The following CFAP299 variants were observed in gnomAD, a reference collection of about 807,000 sequenced individuals.
The protein encoded by CFAP299 is cilia- and flagella-associated protein 299.
Under a neutral mutation model 27.0 loss-of-function variants are expected in CFAP299, and 21 were observed. The ratio of observed to expected loss-of-function variants is 0.78; its 90% CI spans 0.55 to 1.12. CFAP299 has a LOEUF of 1.12. Ranked by LOEUF, CFAP299 falls within the 50% of genes most tolerant of loss-of-function variation. The pLI is 0.00. For synonymous variants in CFAP299, 104 were observed against 98.1 expected, an observed-to-expected ratio of 1.06 and a Z score of -0.36; for missense variants, 310 against 276.6, an observed-to-expected ratio of 1.12 and a Z score of -0.86.
chr4:80,725,366 G>A (rs542300090), intron 3 of CFAP299, among the ~76,000 whole-genome samples: 7 of 151,898 alleles, frequency 4.6e-5, no homozygotes, highest in African/African-American at 1.4e-4. Context: ...CATTGATTAC[G>A]TTTCCTGTGA....
chr4:80,697,963 A>G, intron 3 of CFAP299, among the ~76,000 whole-genome samples: 1 of 152,252 alleles, frequency 6.6e-6, no homozygotes, highest in South Asian at 2.1e-4. Flanking sequence ...TTAATCAATC[A>G]AACCAAGGAT....
intron 3 of CFAP299, among the ~76,000 whole-genome samples, chr4:80,859,231 A>G (rs936950804): frequency 6.6e-6 from 1 of 151,714 alleles, no homozygotes; most frequent in African/African-American, 2.4e-5. Context: ...TAGGATTGCA[A>G]CCCCTGCCTT....
At chr4:80,890,979 A>G (rs1455831843) in intron 4 of CFAP299, among the ~76,000 whole-genome samples, 1 of 151,930 alleles carries the variant, frequency 6.6e-6, no homozygotes, top group Non-Finnish European at 1.5e-5. Flanking sequence ...TCAGATGAGT[A>G]GGTTGCGAAA....
In CFAP299 at chr4:80,613,752, G is replaced by A. The variant is rs150460453; in HGVS notation, c.333+30569G>A. 2.6e-5 allele frequency among the ~76,000 whole-genome samples: 4 copies of A among 152,268 alleles called. No homozygotes were observed. The East Asian group carries it at 7.7e-4, about 29-fold the overall frequency. Reference sequence around the variant, plus strand: ...AAAGTTTGAAACCCACTGCCTTTCAGTTTAACATCATTTCCCTGTGCACTT... The same window carrying A: ...AAAGTTTGAAACCCACTGCCTTTCAATTTAACATCATTTCCCTGTGCACTT... On this transcript the variant is annotated intron_variant, in intron 3 of 5. Transcript: ENST00000358105.
At chr4:80,468,504 G>A (rs1282860481) in intron 2 of CFAP299, among the ~76,000 whole-genome samples, 2 of 151,982 alleles carry the variant, frequency 1.3e-5, no homozygotes, top group Non-Finnish European at 2.9e-5. Flanking sequence ...GATTATAGGC[G>A]TGGACCACTG....
chr4:80,542,993 A>G (rs1464512912), intron 2 of CFAP299, among the ~76,000 whole-genome samples: 1 of 152,076 alleles, frequency 6.6e-6, no homozygotes, highest in African/African-American at 2.4e-5. Context: ...GGAGCACCTC[A>G]AACCCTCCAG....
intron 2 of CFAP299, among the ~76,000 whole-genome samples, chr4:80,549,908 A>T (rs1157241275): frequency 1.3e-5 from 2 of 152,052 alleles, no homozygotes; most frequent in Non-Finnish European, 2.9e-5. Context: ...TACAAGGTAA[A>T]AGGAAAATAT....
chr4:80,948,541 C>CT (rs1046071884), intron 5 of CFAP299, among the ~76,000 whole-genome samples: 9 of 151,246 alleles, frequency 6.0e-5, no homozygotes, highest in Non-Finnish European at 7.4e-5. Flanking sequence ...TTTAAATACA[C>CT]TTTTTTTTTA....
At chr4:80,605,906 T>C (rs914950798) in intron 3 of CFAP299, among the ~76,000 whole-genome samples, 2 of 152,158 alleles carry the variant, frequency 1.3e-5, no homozygotes, top group African/African-American at 4.8e-5. Context: ...TGTTTTCTAT[T>C]GGTTTAGAGG....
chr4:80,851,239 A>T (rs1343711805), intron 3 of CFAP299, among the ~76,000 whole-genome samples: 2 of 152,182 alleles, frequency 1.3e-5, no homozygotes, highest in African/African-American at 2.4e-5. Context: ...GGATCCAGTA[A>T]TGAAGCCTAA....
intron 2 of CFAP299, among the ~76,000 whole-genome samples, chr4:80,370,125 C>A (rs1177350727): frequency 6.6e-6 from 1 of 152,116 alleles, no homozygotes; most frequent in African/African-American, 2.4e-5. Context: ...GGGAAGCTGG[C>A]ACTTTACATG....
At chr4:80,640,841 G>C (rs532286903) in intron 3 of CFAP299, among the ~76,000 whole-genome samples, 27 of 152,268 alleles carry the variant, frequency 1.8e-4, no homozygotes, top group Non-Finnish European at 2.8e-4. Context: ...AACTTCTGCA[G>C]TTTATCATTG....
intron 2 of CFAP299, among the ~76,000 whole-genome samples, chr4:80,544,449 A>G (rs1243557874): frequency 6.6e-6 from 1 of 152,146 alleles, no homozygotes; most frequent in Admixed American, 6.6e-5. Context: ...ACAATACCCA[A>G]TTGCCTGCTG....
At chr4:80,846,759 A>G (rs1303997048) in intron 3 of CFAP299, among the ~76,000 whole-genome samples, 1 of 152,070 alleles carries the variant, frequency 6.6e-6, no homozygotes, top group Non-Finnish European at 1.5e-5. Flanking sequence ...CTCTTAACCC[A>G]TTGGTATGAC....
rs558521095 is a variant in CFAP299, at chr4:80,609,485, G to T, written c.333+26302G>T. On this transcript the variant is annotated intron_variant, in intron 3 of 5. Transcript: ENST00000358105. ...AGGGTTTATTTATTAAAGTGTAAAG[G>T]TTATTTAGATATGTCTCTTTATGTT... is the stretch of plus-strand genomic sequence containing the variant. 5.1e-3 allele frequency among the ~76,000 whole-genome samples: 772 copies of T among 152,030 alleles called. 5 individuals are homozygous for T. The highest frequency in any genetic ancestry group is 0.02 in the Middle Eastern group (6 of 294).
chr4:80,866,081 A>ATATATATATATATAAATATATG (rs1732723903), intron 3 of CFAP299, among the ~76,000 whole-genome samples: 1 of 122,574 alleles, frequency 8.2e-6, no homozygotes, highest in African/African-American at 2.9e-5. Flanking sequence ...ATATATATAT[A>ATATATATATATATAAATATATG]TATATATATA....
At chr4:80,501,103 A>G (rs780775321) in intron 2 of CFAP299, among the ~76,000 whole-genome samples, 1 of 152,080 alleles carries the variant, frequency 6.6e-6, no homozygotes, top group Non-Finnish European at 1.5e-5. Context: ...GTCATAGATA[A>G]TACAGATCAA....
rs1156243463 is a variant in CFAP299, at chr4:80,890,219, C to T, written c.476+20084C>T. The stretch of plus-strand genomic sequence containing the variant: ...TGTTGGTAGTTGATATGATCTCATA[C>T]TTGGAAAAACCTAAAGACTCCACAA... On this transcript the variant is annotated intron_variant, in intron 4 of 5. Coordinates refer to ENST00000358105, the MANE Select transcript of CFAP299 (RefSeq NM_152770.3). 2.0e-5 allele frequency among the ~76,000 whole-genome samples: 3 copies of T among 151,994 alleles called. No homozygotes were observed. In the East Asian group the frequency reaches 5.8e-4, roughly 29 times the overall value.
intron 2 of CFAP299, among the ~76,000 whole-genome samples, chr4:80,515,429 G>A (rs1357377657): frequency 6.6e-6 from 1 of 152,076 alleles, no homozygotes; most frequent in Non-Finnish European, 1.5e-5. Flanking sequence ...TTTTGTCTCT[G>A]TAGGCACAAT....
Sources: gnomAD v4.1 joint callset for allele counts (sites outside exome capture counted in the v4.1 genomes callset) on GRCh38, gnomAD v4.1.1 for gene constraint, MANE v1.5 for transcripts, NCBI Gene and HGNC (gene_info 2026-07-23, HGNC 2026-07-21) for gene names.